ZNF385D: variants seen among roughly 807,000 people sequenced by gnomAD.
The protein encoded by ZNF385D is zinc finger protein 385D, also known as zinc finger protein 659.
Under a neutral mutation model 35.8 loss-of-function variants are expected in ZNF385D, and 15 were observed. The ratio of observed to expected loss-of-function variants is 0.42; its 90% CI spans 0.28 to 0.64. The LOEUF (loss-of-function observed/expected upper bound fraction) is 0.64. Among genes scored for constraint, ZNF385D ranks in the 30% least tolerant of loss-of-function variants. The probability of loss-of-function intolerance (pLI) is 0.23; values close to 1 mark genes in which losing one functional copy is unlikely to be tolerated. For synonymous variants in ZNF385D, 212 were observed against 186.8 expected, an observed-to-expected ratio of 1.13 and a Z score of -1.10; for missense variants, 474 against 494.6, an observed-to-expected ratio of 0.96 and a Z score of 0.39.
chr3:21,996,057 G>C (rs778779839), intron 3 of ZNF385D, among the ~76,000 whole-genome samples: 6 of 152,114 alleles, frequency 3.9e-5, no homozygotes, highest in Non-Finnish European at 8.8e-5. Context: ...TGCAGGTGCA[G>C]GGGCTATTGT....
chr3:21,941,762 G>C (rs572089944), intron 3 of ZNF385D, among the ~76,000 whole-genome samples: 81 of 152,006 alleles, frequency 5.3e-4, no homozygotes, highest in Middle Eastern at 3.4e-3. Context: ...CTCCCAAAGT[G>C]CTGGGATTAC....
At chr3:21,440,166 A>G (rs183565457) in intron 4 of ZNF385D, among the ~76,000 whole-genome samples, 3 of 152,256 alleles carry the variant, frequency 2.0e-5, no homozygotes, top group Admixed American at 2.0e-4. Context: ...TCTGTTCTAT[A>G]CAATGCATAC....
intron 3 of ZNF385D, among the ~76,000 whole-genome samples, chr3:22,084,278 C>A (rs1700913318): frequency 6.6e-6 from 1 of 152,176 alleles, no homozygotes; most frequent in Non-Finnish European, 1.5e-5. Flanking sequence ...TTAAAAGACA[C>A]AGACTGGCAA....
intron 3 of ZNF385D, among the ~76,000 whole-genome samples, chr3:21,864,191 A>G (rs546055024): frequency 6.6e-6 from 1 of 152,098 alleles, no homozygotes; most frequent in South Asian, 2.1e-4. Flanking sequence ...CCATTTTAAA[A>G]CCCTGAGTTC....
intron 3 of ZNF385D, among the ~76,000 whole-genome samples, chr3:21,760,099 C>G (rs963046300): frequency 1.2e-4 from 19 of 152,162 alleles, no homozygotes; most frequent in Admixed American, 1.2e-3. Context: ...ACATTCTTTT[C>G]ATTATCTCTC....
At chr3:22,089,671 G>A (rs991668472) in intron 3 of ZNF385D, among the ~76,000 whole-genome samples, 12 of 152,078 alleles carry the variant, frequency 7.9e-5, no homozygotes, top group African/African-American at 1.4e-4. Context: ...GTAAGGGGGG[G>A]ATTTCCAGTT....
intron 3 of ZNF385D, among the ~76,000 whole-genome samples, chr3:21,550,062 T>A (rs2062513901): frequency 6.6e-6 from 1 of 152,174 alleles, no homozygotes; most frequent in South Asian, 2.1e-4. Context: ...TCAAAATGTA[T>A]AATTTGAGAC....
At chr3:21,772,596 T>C (rs2071123662) in intron 3 of ZNF385D, among the ~76,000 whole-genome samples, 1 of 152,032 alleles carries the variant, frequency 6.6e-6, no homozygotes, top group Non-Finnish European at 1.5e-5. Flanking sequence ...GAAACACTTG[T>C]GCATTGTTGG....
At chr3:22,086,124 T>A (rs945087404) in intron 3 of ZNF385D, among the ~76,000 whole-genome samples, 1 of 152,172 alleles carries the variant, frequency 6.6e-6, no homozygotes, top group East Asian at 1.9e-4. Context: ...CTGGAAGCAT[T>A]CCCTTTGAAA....
Position 21,584,249 on chromosome 3 carries a change from G to A in ZNF385D, c.166-19565C>T, listed in dbSNP as rs543807127. The stretch of plus-strand genomic sequence containing the variant: ...CCACCTTGGCCTCCCAAAGTGCTGG[G>A]ATTACAGCCGTGAGCCATTGCACCC... On this transcript the variant is annotated intron_variant, in intron 2 of 7. Coordinates refer to ENST00000281523, the MANE Select transcript of ZNF385D (RefSeq NM_024697.3). 2.6e-4 allele frequency among the ~76,000 whole-genome samples: 39 copies of A among 152,202 alleles called. No homozygotes were observed. In the South Asian group the frequency reaches 7.9e-3, roughly 31 times the overall value.
intron 2 of ZNF385D, among the ~76,000 whole-genome samples, chr3:22,280,612 G>A (rs545367856): frequency 6.6e-5 from 10 of 151,962 alleles, no homozygotes; most frequent in Admixed American, 2.6e-4. Context: ...TTCTCCATTC[G>A]TCCCATTGGT....
At chr3:21,455,606 C>A (rs546486458) in intron 4 of ZNF385D, among the ~76,000 whole-genome samples, 16 of 152,250 alleles carry the variant, frequency 1.1e-4, no homozygotes, top group African/African-American at 3.6e-4. Context: ...TAAAGACTTA[C>A]ATGTTAGACC....
chr3:21,517,277 G>A (rs910601724), intron 3 of ZNF385D, among the ~76,000 whole-genome samples: 2 of 151,962 alleles, frequency 1.3e-5, no homozygotes, highest in African/African-American at 2.4e-5. Context: ...GACTTGGCAA[G>A]TAAGTGAAGC....
chr3:21,678,618 T>C (rs1007502029), intron 1 of ZNF385D, among the ~76,000 whole-genome samples: 1 of 152,072 alleles, frequency 6.6e-6, no homozygotes, highest in Non-Finnish European at 1.5e-5. Context: ...TTGACTTAAA[T>C]TGTAAAGATT....
At chr3:22,014,555 T>A (rs1049642982) in intron 3 of ZNF385D, among the ~76,000 whole-genome samples, 3 of 152,128 alleles carry the variant, frequency 2.0e-5, no homozygotes, top group East Asian at 3.9e-4. Context: ...CAAACCCACA[T>A]CCACCTACCC....
intron 2 of ZNF385D, among the ~76,000 whole-genome samples, chr3:22,359,221 T>C (rs900666394): frequency 1.3e-5 from 2 of 151,816 alleles, no homozygotes; most frequent in African/African-American, 2.4e-5. Context: ...TAGTTAATGC[T>C]GGGAGGACAC....
intron 3 of ZNF385D, among the ~76,000 whole-genome samples, chr3:21,866,218 C>T (rs1305246125): frequency 6.6e-6 from 1 of 151,686 alleles, no homozygotes; most frequent in Non-Finnish European, 1.5e-5. Flanking sequence ...TTTGAGAGGC[C>T]GAGGCAGGCA....
rs1377237948 is a variant in ZNF385D, at chr3:21,414,199, A to G, written c.*7015T>C. On this transcript the variant is annotated 3_prime_UTR_variant, in exon 8 of 8. Transcript: ENST00000281523. ...TTGCTGTGGATTTACAAAACAAAAC[A>G]AAACAAAACAAAACAAAACAAAAAA... The G allele has an allele frequency of 8.9e-6, 1 of 112,898 alleles. No homozygotes were observed. The highest frequency in any genetic ancestry group is 2.9e-5 in the African/African-American group (1 of 34,224). 7.0% of individuals were successfully genotyped at this position (112,898 alleles called of 1,614,324 possible).
intron 3 of ZNF385D, among the ~76,000 whole-genome samples, chr3:21,981,003 T>C (rs1694410624): frequency 6.6e-6 from 1 of 152,194 alleles, no homozygotes; most frequent in Non-Finnish European, 1.5e-5. Flanking sequence ...GTCTTTGCTA[T>C]TGTGAATAGT....
Sources: gnomAD v4.1 joint callset for allele counts (sites outside exome capture counted in the v4.1 genomes callset) on GRCh38, gnomAD v4.1.1 for gene constraint, MANE v1.5 for transcripts, NCBI Gene and HGNC (gene_info 2026-07-23, HGNC 2026-07-21) for gene names.